DCK: variants seen among roughly 807,000 people sequenced by gnomAD.
DCK encodes deoxyadenosine kinase.
A neutral mutation model predicts 38.3 loss-of-function variants in DCK; 23 were observed. The observed-to-expected ratio is 0.60, with a 90% confidence interval of 0.43 to 0.85. The LOEUF (loss-of-function observed/expected upper bound fraction) is 0.85. Among genes scored for constraint, DCK ranks in the 40% least tolerant of loss-of-function variants. The pLI, the probability that DCK is intolerant of heterozygous loss-of-function variation, is 0.00. For missense variants in DCK, 259 were observed against 304.4 expected (o/e 0.85, Z 1.11); for synonymous variants, 108 against 100.6 (o/e 1.07, Z -0.44).
At chr4:71,016,750 A>C (rs1321948273) in intron 2 of DCK, among the ~76,000 whole-genome samples, 2 of 152,224 alleles carry the variant, frequency 1.3e-5, no homozygotes, top group Non-Finnish European at 2.9e-5. Context: ...CTGAAACTGG[A>C]TCCCTTCCTT....
In DCK at chr4:71,001,734, T is replaced by C. The variant is rs1289952775; in HGVS notation, c.207+3552T>C. 2.0e-5 allele frequency among the ~76,000 whole-genome samples: 3 copies of C among 152,256 alleles called. No homozygotes were observed. The East Asian group carries it at 5.8e-4, about 29-fold the overall frequency. On this transcript the variant is annotated intron_variant, in intron 2 of 6. Coordinates refer to ENST00000286648, the MANE Select transcript of DCK (RefSeq NM_000788.3). ...TTGGGAGGGCGTATGTGTCCAGGAGTTTATCCATTTCTTCCAGATTTTCTA... is the reference window on the plus strand; with the variant it reads ...TTGGGAGGGCGTATGTGTCCAGGAGCTTATCCATTTCTTCCAGATTTTCTA...
At chr4:71,006,359 A>C in intron 2 of DCK, 1 of 790,530 alleles carries the variant, frequency 1.3e-6, no homozygotes, top group Non-Finnish European at 1.5e-6. Context: ...TAAATACCAA[A>C]ATGTATGGTT....
chr4:71,003,315 C>T (rs1329110353), intron 2 of DCK, among the ~76,000 whole-genome samples: 1 of 152,328 alleles, frequency 6.6e-6, no homozygotes, highest in South Asian at 2.1e-4. Flanking sequence ...AGGGTTTCTG[C>T]CGAGAGATCT....
At chr4:71,012,843 T>TA (rs1408979359) in intron 2 of DCK, among the ~76,000 whole-genome samples, 1 of 152,198 alleles carries the variant, frequency 6.6e-6, no homozygotes, top group Non-Finnish European at 1.5e-5. Context: ...CTGAAAATTC[T>TA]AAAAATCAGA....
At chr4:71,012,421 G>T (rs1327457975) in intron 2 of DCK, among the ~76,000 whole-genome samples, 10 of 152,242 alleles carry the variant, frequency 6.6e-5, no homozygotes, top group Non-Finnish European at 1.3e-4. Flanking sequence ...GAGAGTAGTG[G>T]TTCTCTCAGC....
At chr4:71,003,623 C>G (rs1560680533) in intron 2 of DCK, among the ~76,000 whole-genome samples, 3 of 152,258 alleles carry the variant, frequency 2.0e-5, no homozygotes, top group African/African-American at 7.2e-5. Flanking sequence ...TCACATAGTC[C>G]CATATTTCTT....
At chr4:71,015,221 A>G (rs1211167414) in intron 2 of DCK, among the ~76,000 whole-genome samples, 2 of 152,224 alleles carry the variant, frequency 1.3e-5, no homozygotes, top group Non-Finnish European at 2.9e-5. Flanking sequence ...CACTGTCACA[A>G]GACTAAACCA....
intron 4 of DCK, among the ~76,000 whole-genome samples, chr4:71,024,269 C>T (rs1022434765): frequency 3.3e-5 from 5 of 152,048 alleles, no homozygotes; most frequent in African/African-American, 1.2e-4. Context: ...AGGACCCTTG[C>T]CATTTTCCAT....
intron 2 of DCK, among the ~76,000 whole-genome samples, chr4:71,006,892 A>G (rs891733159): frequency 6.6e-5 from 10 of 152,200 alleles, no homozygotes; most frequent in Non-Finnish European, 1.0e-4. Context: ...TGAGGAGTAC[A>G]GAAAATTGAA....
chr4:71,023,327 C>G (rs1424239791), intron 3 of DCK, among the ~76,000 whole-genome samples: 1 of 152,160 alleles, frequency 6.6e-6, no homozygotes, highest in Non-Finnish European at 1.5e-5. Flanking sequence ...ATGAAGTAAT[C>G]TGGCCTCTCA....
intron 4 of DCK, among the ~76,000 whole-genome samples, chr4:71,025,170 G>A (rs1740515839): frequency 6.6e-6 from 1 of 151,988 alleles, no homozygotes; most frequent in Admixed American, 6.6e-5. Context: ...GCTTTTGGGG[G>A]ACCGTTATCT....
intron 6 of DCK, chr4:71,028,806 G>A (rs1169337714): frequency 3.3e-5 from 10 of 307,458 alleles, no homozygotes; most frequent in South Asian, 5.0e-5. Context: ...TGCCCAGGCT[G>A]GAGTGCGATG....
intron 4 of DCK, among the ~76,000 whole-genome samples, chr4:71,025,138 A>G (rs1740515157): frequency 1.3e-5 from 2 of 152,056 alleles, no homozygotes; most frequent in Admixed American, 1.3e-4. Flanking sequence ...CACAAATTAT[A>G]CGAAATTTTT....
Position 70,993,674 on chromosome 4 carries a change from C to G in DCK, c.-162C>G. 1 of 564,562 alleles carries G rather than the reference C, an allele frequency of 1.8e-6. No homozygotes were observed. The highest frequency in any genetic ancestry group is 3.1e-6 in the Non-Finnish European group (1 of 321,206). 35.0% of individuals were successfully genotyped at this position (564,562 alleles called of 1,614,324 possible). The stretch of plus-strand genomic sequence containing the variant: ...AGTGTCCTCAGCTGCCTCCGCGCGC[C>G]AAAGTCAAACCCCGACACCCGCCGG... On this transcript the variant is annotated 5_prime_UTR_variant, in exon 1 of 7. Coordinates refer to ENST00000286648, the MANE Select transcript of DCK (RefSeq NM_000788.3).
At chr4:71,017,817 A>G (rs1293859526) in intron 2 of DCK, among the ~76,000 whole-genome samples, 1 of 150,766 alleles carries the variant, frequency 6.6e-6, no homozygotes, top group African/African-American at 2.4e-5. Context: ...ATTAGGAGAA[A>G]TACCTAATGT....
rs1229991207 is a variant in DCK at position 71,023,613 on chromosome 4, G to T, written c.456G>T (p.Trp152Cys). ...CTGAATGCATGAATGAGACAGAGTG[G>T]ACAATTTATCAAGACTGGCATGACT... ...YESECMNETEWTIYQDWHDWM... is the reference protein window; with the variant it reads ...YESECMNETECTIYQDWHDWM... Residue 152 changes from tryptophan to cysteine, a missense_variant, in exon 4 of 7, where the codon TGG becomes TGT. Physicochemically the swap from Trp to Cys is radical, Grantham distance 215. This residue lies in a region of DCK where 18 missense variants were observed against 41.6 expected (regional missense o/e 0.43). Coordinates refer to ENST00000286648, the MANE Select transcript of DCK (RefSeq NM_000788.3). 6.2e-7 allele frequency: 1 copy of T among 1,611,588 alleles called. No individual in the cohort carries two copies. Among genetic ancestry groups the T allele is most frequent in the East Asian group, 2.2e-5 (1 of 44,798 alleles).
chr4:70,998,275 T>C, intron 2 of DCK, 93 bp downstream of exon 2: 1 of 584,190 alleles, frequency 1.7e-6, no homozygotes, highest in Non-Finnish European at 3.0e-6. Context: ...CAATAAAACT[T>C]TCAAATCTCG....
At chr4:71,023,787 A>G in intron 4 of DCK, 81 bp downstream of exon 4, 1 of 1,347,928 alleles carries the variant, frequency 7.4e-7, no homozygotes, top group Admixed American at 2.6e-5. Context: ...AATGAGGGCA[A>G]TTTAGTTTAA....
chr4:71,023,492 T>C, intron 3 of DCK, 67 bp from the exon 4 acceptor site: 1 of 1,050,256 alleles, frequency 9.5e-7, no homozygotes, highest in Non-Finnish European at 1.4e-6. Context: ...ATGTTCCTGT[T>C]CTCTTTTTTA....
Sources: allele counts gnomAD v4.1 joint callset (sites outside exome capture counted in the v4.1 genomes callset), GRCh38; gene constraint gnomAD v4.1.1; regional missense constraint gnomAD v4.1.1; transcripts MANE v1.5; gene names NCBI Gene and HGNC (gene_info 2026-07-23, HGNC 2026-07-21).